DAB1: variants seen among roughly 807,000 people sequenced by gnomAD.
The protein encoded by DAB1 is disabled homolog 1.
Under a neutral mutation model 64.6 loss-of-function variants are expected in DAB1, and 15 were observed. The ratio of observed to expected loss-of-function variants is 0.23; its 90% CI spans 0.16 to 0.36. The LOEUF (loss-of-function observed/expected upper bound fraction) is 0.36, where lower values mean the gene tolerates loss of function less well. Ranked by LOEUF, DAB1 falls within the 10% of genes least tolerant of loss-of-function variation. DAB1 has a pLI of 1.00. For missense variants in DAB1, 596 were observed against 706.7 expected, an observed-to-expected ratio of 0.84 and a Z score of 1.78; for synonymous variants, 235 against 251.9, an observed-to-expected ratio of 0.93 and a Z score of 0.64.
At chr1:57,434,589 C>A (rs893051098) in intron 7 of DAB1, among the ~76,000 whole-genome samples, 1 of 152,150 alleles carries the variant, frequency 6.6e-6, no homozygotes, top group Non-Finnish European at 1.5e-5. Context: ...TACCGTTTAA[C>A]GACAGGGATA....
chr1:57,790,234 T>C (rs577638178), intron 6 of DAB1, among the ~76,000 whole-genome samples: 103 of 152,302 alleles, frequency 6.8e-4, no homozygotes, highest in Middle Eastern at 3.4e-3. Context: ...AACTGAATCA[T>C]GGGAGAAGTT....
At chr1:57,309,743 A>G (rs1311592558) in intron 1 of DAB1, among the ~76,000 whole-genome samples, 1 of 152,214 alleles carries the variant, frequency 6.6e-6, no homozygotes, top group Non-Finnish European at 1.5e-5. Flanking sequence ...TAAATACTAC[A>G]TTACCCATGT....
chr1:58,507,631 CATAA>C (rs1275633819), intron 2 of DAB1, among the ~76,000 whole-genome samples: 2 of 151,784 alleles, frequency 1.3e-5, no homozygotes, highest in Non-Finnish European at 2.9e-5. Flanking sequence ...ATATAACAAA[CATAA>C]ATATTATTCA....
chr1:58,507,125 A>T (rs1180968332), intron 2 of DAB1, among the ~76,000 whole-genome samples: 1 of 151,974 alleles, frequency 6.6e-6, no homozygotes, highest in African/African-American at 2.4e-5. Context: ...TATAATTAAA[A>T]TTATTTTTAA....
At chr1:58,159,742 A>T (rs561163194) in intron 4 of DAB1, among the ~76,000 whole-genome samples, 1 of 152,328 alleles carries the variant, frequency 6.6e-6, no homozygotes, top group South Asian at 2.1e-4. Context: ...TAGAACCCTG[A>T]TTCTTTCCAG....
At chr1:58,288,019 CAAAAAAA>C (rs763850453) in intron 4 of DAB1, among the ~76,000 whole-genome samples, 1,428 of 21,850 alleles carry the variant, frequency 0.065, 17 homozygotes, top group African/African-American at 0.14. Flanking sequence ...AAGACTGCCT[CAAAAAAA>C]AAAAAAAAAA....
intron 5 of DAB1, chr1:58,049,312 C>T: frequency 1.5e-6 from 1 of 667,216 alleles, no homozygotes; most frequent in East Asian, 2.5e-5. Flanking sequence ...AGAAGAGAGA[C>T]TTTAACGATG....
chr1:57,296,406 T>C (rs185535894), intron 1 of DAB1, among the ~76,000 whole-genome samples: 19 of 152,240 alleles, frequency 1.2e-4, no homozygotes, highest in Middle Eastern at 3.4e-3. Flanking sequence ...AGATAACTAA[T>C]ACTTAGATTT....
intron 7 of DAB1, among the ~76,000 whole-genome samples, chr1:57,456,616 G>C (rs1686601811): frequency 6.6e-6 from 1 of 151,722 alleles, no homozygotes. Flanking sequence ...CTCTCATAAA[G>C]GCAGAAAAAA....
rs868414310 is a variant in DAB1, at chr1:58,397,571, C to T, written n.258-54168G>A. On this transcript the variant is annotated intron_variant and non_coding_transcript_variant, in intron 3 of 20. Coordinates refer to the DAB1 transcript ENST00000485760. Reference sequence around the variant, plus strand: ...TCCACATCTGGCATACTCTTGGGCTCCACATACCTATCCAATGCAGAGATC... The same window carrying T: ...TCCACATCTGGCATACTCTTGGGCTTCACATACCTATCCAATGCAGAGATC... Among the ~76,000 whole-genome samples the T allele has an allele frequency of 2.0e-5, 3 of 152,220 alleles. No individual in the cohort carries two copies. The South Asian group carries it at 6.2e-4, about 32-fold the overall frequency.
intron 5 of DAB1, among the ~76,000 whole-genome samples, chr1:58,012,693 G>A (rs963139457): frequency 1.3e-5 from 2 of 152,104 alleles, no homozygotes; most frequent in Non-Finnish European, 2.9e-5. Flanking sequence ...GAGAATACGA[G>A]AAGATAACCA....
At chr1:58,076,005 G>A (rs1649619116) in intron 5 of DAB1, among the ~76,000 whole-genome samples, 1 of 152,030 alleles carries the variant, frequency 6.6e-6, no homozygotes, top group African/African-American at 2.4e-5. Context: ...TCTAGAGAAG[G>A]GACTCTGATC....
At chr1:57,869,639 C>G (rs1156515597) in intron 1 of DAB1, among the ~76,000 whole-genome samples, 1 of 152,102 alleles carries the variant, frequency 6.6e-6, no homozygotes, top group Non-Finnish European at 1.5e-5. Context: ...CTCCTAACTA[C>G]CACAGACCAC....
chr1:57,485,100 C>T (rs922111120), intron 7 of DAB1, among the ~76,000 whole-genome samples: 6 of 152,210 alleles, frequency 3.9e-5, no homozygotes, highest in Admixed American at 2.6e-4. Flanking sequence ...GATCTACAGG[C>T]TTAGCAAAGC....
At chr1:57,566,892 T>C (rs1032123260) in intron 7 of DAB1, among the ~76,000 whole-genome samples, 2 of 151,992 alleles carry the variant, frequency 1.3e-5, no homozygotes, top group African/African-American at 4.8e-5. Flanking sequence ...TTCCAATCAA[T>C]AGAAAAAGAG....
chr1:58,536,173 T>C (rs1646514029), intron 1 of DAB1, among the ~76,000 whole-genome samples: 1 of 152,104 alleles, frequency 6.6e-6, no homozygotes, highest in South Asian at 2.1e-4. Flanking sequence ...CAACTACAAA[T>C]GAGCTGGTTC....
intron 4 of DAB1, among the ~76,000 whole-genome samples, chr1:58,293,818 C>G (rs192523373): frequency 2.6e-4 from 40 of 152,330 alleles, no homozygotes; most frequent in African/African-American, 9.4e-4. Flanking sequence ...GACAAAACAT[C>G]TCAGAAATGT....
chr1:57,018,663 A>T (rs745942616), intron 11 of DAB1, among the ~76,000 whole-genome samples: 3 of 151,620 alleles, frequency 2.0e-5, no homozygotes, highest in Non-Finnish European at 2.9e-5. Flanking sequence ...GGATGTTTTC[A>T]CTCTCTTGAC....
At chr1:57,297,799 A>T (rs1673323700) in intron 1 of DAB1, among the ~76,000 whole-genome samples, 1 of 152,208 alleles carries the variant, frequency 6.6e-6, no homozygotes, top group African/African-American at 2.4e-5. Flanking sequence ...CCAGCTTCCT[A>T]GATGGCATAC....
Sources: allele counts gnomAD v4.1 joint callset (sites outside exome capture counted in the v4.1 genomes callset), GRCh38; gene constraint gnomAD v4.1.1; transcripts MANE v1.5; gene names NCBI Gene and HGNC (gene_info 2026-07-23, HGNC 2026-07-21).